The following STON2 variants were observed in gnomAD, a reference collection of about 807,000 sequenced individuals.
The protein encoded by STON2 is stonin 2, also known as stonin-2.
STON2 carries 29 observed loss-of-function variants against 65.7 expected under a neutral mutation model. The ratio of observed to expected loss-of-function variants is 0.44; its 90% CI spans 0.33 to 0.60. The LOEUF (loss-of-function observed/expected upper bound fraction) is 0.60. STON2 is among the 20% of genes least tolerant of loss of function. STON2 has a pLI of 0.03. For missense variants in STON2, 1,054 were observed against 1,118.1 expected (o/e 0.94, Z 0.82); for synonymous variants, 404 against 414.2 (o/e 0.98, Z 0.30).
In STON2 at chr14:81,278,524, G is replaced by A. The variant is rs1894968057; in HGVS notation, c.958C>T (p.Pro320Ser). 1.2e-6 allele frequency: 2 copies of A among 1,613,880 alleles called. No individual in the cohort carries two copies. The highest frequency in any genetic ancestry group is 1.7e-6 in the Non-Finnish European group (2 of 1,179,832). ...PNTPPSASVI[P>S]DVPYNSMGSF... The stretch of plus-strand genomic sequence containing the variant: ...CCCATTGAATTATAAGGTACATCTG[G>A]GATCACAGATGCACTTGGTGGTGTA... The change falls in exon 6 of 8, where the codon CCA becomes TCA. Residue 320 changes from proline to serine, a missense_variant. Physicochemically the swap from Pro to Ser is moderately conservative, Grantham distance 74 (BLOSUM62 -1). Transcript: ENST00000614646.
chr14:81,272,050 G>A (rs574850033), intron 6 of STON2, among the ~76,000 whole-genome samples: 55 of 152,184 alleles, frequency 3.6e-4, no homozygotes, highest in African/African-American at 1.2e-3. Flanking sequence ...GTGAAACCCC[G>A]TCTCTACTAA....
At chr14:81,337,208 T>C (rs541832285) in intron 4 of STON2, among the ~76,000 whole-genome samples, 139 of 152,374 alleles carry the variant, frequency 9.1e-4, no homozygotes, top group African/African-American at 3.2e-3. Context: ...AAATATTTAC[T>C]GTATACTACT....
Position 81,278,610 on chromosome 14 carries a change from G to T in STON2, c.872C>A (p.Thr291Asn). The T allele has an allele frequency of 6.3e-7, 1 of 1,594,376 alleles. No individual in the cohort carries two copies. Among genetic ancestry groups the T allele is most frequent in the South Asian group, 1.1e-5 (1 of 87,420 alleles). Residue 291 changes from threonine (T) to asparagine (N), a missense_variant, in exon 6 of 8, where the codon ACC becomes AAC. Coordinates refer to ENST00000614646, the MANE Select transcript of STON2 (RefSeq NM_001394390.1). ...VTSARFPSWVTFDDNEVSCPL... is the reference protein window; with the variant it reads ...VTSARFPSWVNFDDNEVSCPL... ...GCAGCTGACTTCATTGTCATCAAAG[G>T]TGACCCAGCTGGGAAAACGAGCAGA...
Position 81,263,948 on chromosome 14 carries a change from C to T in STON2, c.*4466G>A. 1.0e-6 allele frequency: 1 copy of T among 985,406 alleles called. No individual in the cohort carries two copies. The highest frequency in any genetic ancestry group is 1.2e-6 in the Non-Finnish European group (1 of 829,926). 61.0% of individuals were successfully genotyped at this position (985,406 alleles called of 1,614,324 possible). ...AAATTTTGACCTTACTATCTCAGAC[C>T]TCCATCTTACTGTGGTGACAAAATA... On this transcript the variant is annotated 3_prime_UTR_variant, in exon 8 of 8. Coordinates refer to ENST00000614646, the MANE Select transcript of STON2 (RefSeq NM_001394390.1).
intron 1 of STON2, among the ~76,000 whole-genome samples, chr14:81,399,396 A>C (rs1489845969): frequency 6.6e-6 from 1 of 152,214 alleles, no homozygotes. Context: ...GCTACTATAT[A>C]CCTTGAACAA....
At chr14:81,393,707 T>C (rs1399146286) in intron 3 of STON2, among the ~76,000 whole-genome samples, 4 of 152,366 alleles carry the variant, frequency 2.6e-5, no homozygotes, top group Non-Finnish European at 4.4e-5. Flanking sequence ...AAATGTATCA[T>C]ATTAAGCAGA....
upstream of STON2, among the ~76,000 whole-genome samples, chr14:81,404,796 T>G (rs1225855990): frequency 1.3e-5 from 2 of 152,204 alleles, no homozygotes; most frequent in Admixed American, 6.6e-5. Context: ...CACAAGTTAC[T>G]GCACCTGGCC....
chr14:81,425,888 T>C (rs1184359470), intron 2 of STON2, among the ~76,000 whole-genome samples: 1 of 152,220 alleles, frequency 6.6e-6, no homozygotes, highest in Non-Finnish European at 1.5e-5. Context: ...CTCTCTCTTT[T>C]ATTATTTTTT....
rs74473261 is a variant in STON2 at position 81,426,473 on chromosome 14, C to T, written c.-199+629G>A. 4.0e-3 allele frequency among the ~76,000 whole-genome samples: 602 copies of T among 152,278 alleles called. 5 individuals carry two copies. The highest frequency in any genetic ancestry group is 0.014 in the African/African-American group (577 of 41,562). On this transcript the variant is annotated intron_variant, in intron 2 of 8. Coordinates refer to the STON2 transcript ENST00000553821. ...AGATTCCATCTATAAGCTAGGGACC[C>T]CCCACACAGATGCTTCCAGCCTTGA...
At chr14:81,312,420 G>A (rs868369792) in intron 5 of STON2, among the ~76,000 whole-genome samples, 6 of 152,288 alleles carry the variant, frequency 3.9e-5, no homozygotes, top group Non-Finnish European at 7.4e-5. Flanking sequence ...AACGCAAAGA[G>A]GCTACTTCAC....
intron 1 of STON2, among the ~76,000 whole-genome samples, chr14:81,429,529 C>A (rs2139926764): frequency 6.6e-6 from 1 of 152,324 alleles, no homozygotes; most frequent in African/African-American, 2.4e-5. Context: ...TAATAAATCA[C>A]TGAATGGCTT....
chr14:81,434,489 A>T (rs1902335606), intron 1 of STON2, among the ~76,000 whole-genome samples: 1 of 152,214 alleles, frequency 6.6e-6, no homozygotes, highest in Non-Finnish European at 1.5e-5. Context: ...TGAGAAGATA[A>T]GCATTTCCTC....
Position 81,277,925 on chromosome 14 carries a change from A to G in STON2, c.1557T>C (p.Tyr519=). The change falls in exon 6 of 8, where the codon TAT becomes TAC. Residue 519 remains tyrosine (Y), a synonymous_variant. Transcript: ENST00000614646. ...ATGGTTTTTCTAGGCCCTGCTCATA[A>G]TACAGCTGCAGGTAACCAGTGTCTG... ...KLTDTGYLQL[Y]YEQGLEKPFR... The G allele has an allele frequency of 1.9e-6, 3 of 1,614,166 alleles. No individual in the cohort carries two copies. Among genetic ancestry groups the G allele is most frequent in the African/African-American group, 1.3e-5 (1 of 75,030 alleles).
intron 5 of STON2, among the ~76,000 whole-genome samples, chr14:81,288,284 T>C (rs1895417650): frequency 6.6e-6 from 1 of 152,160 alleles, no homozygotes; most frequent in South Asian, 2.1e-4. Context: ...GCATCAACAA[T>C]GGTGATTTCC....
At chr14:81,384,313 T>C (rs1392112977) in intron 3 of STON2, among the ~76,000 whole-genome samples, 1 of 152,136 alleles carries the variant, frequency 6.6e-6, no homozygotes, top group East Asian at 1.9e-4. Flanking sequence ...AGTGGCACAA[T>C]CTCAACTCAC....
At chr14:81,272,727 GT>G (rs1398196007) in intron 6 of STON2, among the ~76,000 whole-genome samples, 1 of 152,184 alleles carries the variant, frequency 6.6e-6, no homozygotes, top group Non-Finnish European at 1.5e-5. Flanking sequence ...TCCACTCAAT[GT>G]TTTTAAATTG....
Position 81,262,188 on chromosome 14 carries a change from CA to C in STON2, c.*6225del. ...AACTGAAGCCCAATTGGGAAAACAGCAACTTACTTAACATAGTGATTGTCTC... is the reference window on the plus strand; with the variant it reads ...AACTGAAGCCCAATTGGGAAAACAGCACTTACTTAACATAGTGATTGTCTC... On this transcript the variant is annotated 3_prime_UTR_variant, in exon 8 of 8. Transcript: ENST00000614646. 1 of 985,386 alleles carries C rather than the reference CA, an allele frequency of 1.0e-6. No homozygotes were observed. Among genetic ancestry groups the C allele is most frequent in the Non-Finnish European group, 1.2e-6 (1 of 829,920 alleles). 61.0% of individuals were successfully genotyped at this position (985,386 alleles called of 1,614,324 possible).
Position 81,278,688 on chromosome 14 carries a change from C to T in STON2, c.794G>A (p.Ser265Asn). ...CATGGCTGGACTGCTGGCCTGCCAG[C>T]TGATGGCCTCCATCTCTACTTCTTC... Reference protein sequence around the residue: ...EDEEVEMEAISWQASSPAMNG... With the variant: ...EDEEVEMEAINWQASSPAMNG... Residue 265 changes from serine to asparagine, a missense_variant, in exon 6 of 8, where the codon AGC (serine) becomes AAC (asparagine). Coordinates refer to ENST00000614646, the MANE Select transcript of STON2 (RefSeq NM_001394390.1). The T allele has an allele frequency of 6.6e-7, 1 of 1,524,768 alleles. No individual in the cohort carries two copies. Among genetic ancestry groups the T allele is most frequent in the Non-Finnish European group, 8.8e-7 (1 of 1,139,058 alleles). The allele number at this position is 1,524,768 out of a possible 1,614,324, so 94.5% of individuals were successfully genotyped here. A position where few individuals can be genotyped will look rare whatever the true frequency, so the allele number is the denominator to read the frequency against.
intron 4 of STON2, among the ~76,000 whole-genome samples, chr14:81,325,744 G>C (rs1230561640): frequency 1.3e-5 from 2 of 152,238 alleles, no homozygotes; most frequent in Admixed American, 6.5e-5. Context: ...ATATAGAATT[G>C]CTTGGGCAAG....
Sources: gnomAD v4.1 joint callset for allele counts (sites outside exome capture counted in the v4.1 genomes callset) on GRCh38, gnomAD v4.1.1 for gene constraint, MANE v1.5 for transcripts, NCBI Gene and HGNC (gene_info 2026-07-23, HGNC 2026-07-21) for gene names.